Variants in ZFPM2 observed in about 807,000 individuals in gnomAD.
ZFPM2 encodes the protein zinc finger protein ZFPM2.
A neutral mutation model predicts 98.6 loss-of-function variants in ZFPM2; 20 were observed. The ratio of observed to expected loss-of-function variants is 0.20; its 90% CI spans 0.14 to 0.29. The LOEUF is 0.29. ZFPM2 is among the 10% of genes least tolerant of loss of function. The pLI, the probability that ZFPM2 is intolerant of heterozygous loss-of-function variation, is 1.00. For synonymous variants in ZFPM2, 518 were observed against 502.7 expected (o/e 1.03, Z -0.41); for missense variants, 1,310 against 1,388.6 (o/e 0.94, Z 0.90).
intron 3 of ZFPM2, among the ~76,000 whole-genome samples, chr8:105,458,209 G>T (rs1344091243): frequency 6.6e-6 from 1 of 152,160 alleles, no homozygotes; most frequent in South Asian, 2.1e-4. Context: ...AGATTGCAAA[G>T]TGTTGCATGT....
At chr8:105,441,521 C>T (rs535964316) in intron 2 of ZFPM2, among the ~76,000 whole-genome samples, 7 of 123,810 alleles carry the variant, frequency 5.7e-5, no homozygotes, top group South Asian at 2.6e-4. Flanking sequence ...AGGGGCGCCC[C>T]GGTGTTGGAG....
chr8:105,733,627 A>G (rs1363187007), intron 5 of ZFPM2, among the ~76,000 whole-genome samples: 1 of 151,886 alleles, frequency 6.6e-6, no homozygotes, highest in African/African-American at 2.4e-5. Context: ...AATGATGCTT[A>G]TGTTTTAGTA....
At chr8:105,495,707 C>T (rs1259714721) in intron 3 of ZFPM2, among the ~76,000 whole-genome samples, 10 of 152,064 alleles carry the variant, frequency 6.6e-5, no homozygotes, top group Admixed American at 6.5e-5. Context: ...TGTCAGTTAA[C>T]ATTTCATCGT....
chr8:105,322,313 ATGTGT>A (rs980921868), intron 1 of ZFPM2, among the ~76,000 whole-genome samples: 1 of 152,068 alleles, frequency 6.6e-6, no homozygotes, highest in Admixed American at 6.5e-5. Context: ...TGATTAGTAA[ATGTGT>A]TGTGTGTGCA....
At chr8:105,399,687 T>TA (rs1475437397) in intron 1 of ZFPM2, among the ~76,000 whole-genome samples, 1 of 147,648 alleles carries the variant, frequency 6.8e-6, no homozygotes, top group Admixed American at 6.8e-5. Context: ...ATTTGCCGAA[T>TA]ACATTTCCCC....
At chr8:105,431,222 A>G (rs2130140974) in intron 2 of ZFPM2, among the ~76,000 whole-genome samples, 1 of 152,092 alleles carries the variant, frequency 6.6e-6, no homozygotes, top group South Asian at 2.1e-4. Context: ...ACTTATTTTT[A>G]TGATGTGGTC....
chr8:105,363,627 T>C (rs1322999255), intron 1 of ZFPM2, among the ~76,000 whole-genome samples: 2 of 152,130 alleles, frequency 1.3e-5, no homozygotes, highest in African/African-American at 4.8e-5. Flanking sequence ...ACCATAGTAT[T>C]GCTATTATGG....
intron 2 of ZFPM2, among the ~76,000 whole-genome samples, chr8:105,431,066 G>A (rs1271323191): frequency 6.6e-6 from 1 of 151,860 alleles, no homozygotes; most frequent in Non-Finnish European, 1.5e-5. Flanking sequence ...ACCATGCCTG[G>A]ATAATTTTTT....
At chr8:105,555,040 A>G (rs1241436206) in intron 3 of ZFPM2, among the ~76,000 whole-genome samples, 2 of 151,948 alleles carry the variant, frequency 1.3e-5, no homozygotes. Context: ...TTGATATTTT[A>G]AAAAGCTGTG....
At chr8:105,475,280 T>G (rs1812989117) in intron 3 of ZFPM2, among the ~76,000 whole-genome samples, 1 of 152,312 alleles carries the variant, frequency 6.6e-6, no homozygotes, top group East Asian at 1.9e-4. Context: ...CCTAACCTCT[T>G]GTAAAGATCC....
intron 5 of ZFPM2, among the ~76,000 whole-genome samples, chr8:105,742,958 G>T (rs1478128779): frequency 1.3e-5 from 2 of 152,060 alleles, no homozygotes; most frequent in Non-Finnish European, 2.9e-5. Context: ...GGAGCAAATT[G>T]GGAGAGAATA....
At chr8:105,654,311 T>G (rs1427919037) in intron 5 of ZFPM2, among the ~76,000 whole-genome samples, 1 of 152,126 alleles carries the variant, frequency 6.6e-6, no homozygotes, top group Non-Finnish European at 1.5e-5. Context: ...CTCTCTGTCC[T>G]GTCAAAAGGC....
At chr8:105,440,602 C>T (rs974642222) in intron 2 of ZFPM2, among the ~76,000 whole-genome samples, 15 of 152,172 alleles carry the variant, frequency 9.9e-5, no homozygotes, top group African/African-American at 2.9e-4. Context: ...ACTAGGGAAA[C>T]GAACCAGGGA....
At chr8:105,441,482 G>GAAAAAAAGAAAGAAAGAAAGAAAA (rs71305153) in intron 2 of ZFPM2, among the ~76,000 whole-genome samples, 1 of 85,404 alleles carries the variant, frequency 1.2e-5, no homozygotes, top group Non-Finnish European at 2.0e-5. Context: ...AAGAAAGAAA[G>GAAAAAAAGAAAGAAAGAAAGAAAA]AAAGAAAGAA....
intron 2 of ZFPM2, 131 bp downstream of exon 2, chr8:105,419,433 T>TTTTTTTTTTTTTTTGAG: frequency 8.8e-7 from 1 of 1,140,024 alleles, no homozygotes; most frequent in Non-Finnish European, 1.2e-6. Flanking sequence ...CAGATTTTTT[T>TTTTTTTTTTTTTTTGAG]AAACATAAAA....
At chr8:105,751,636 C>T (rs1246394842) in intron 5 of ZFPM2, among the ~76,000 whole-genome samples, 2 of 152,004 alleles carry the variant, frequency 1.3e-5, no homozygotes, top group Non-Finnish European at 2.9e-5. Context: ...ATTGAGATAA[C>T]ATTTTAAAAA....
chr8:105,554,604 T>G (rs1430448821), intron 3 of ZFPM2, among the ~76,000 whole-genome samples: 1 of 152,196 alleles, frequency 6.6e-6, no homozygotes. Context: ...CTAATTCATG[T>G]GGTCTGCTTT....
In ZFPM2 at chr8:105,393,356, T is replaced by G. The variant is rs938449023; in HGVS notation, c.41-25788T>G. On this transcript the variant is annotated intron_variant, in intron 1 of 7. Transcript: ENST00000407775. ...TCTTTGCCTTTCTTTCTTTCTTTCT[T>G]TCTTTCTTTCTTTCTTTCTTTCTTT... Among the ~76,000 whole-genome samples the G allele has an allele frequency of 4.3e-3, 397 of 91,480 alleles. 10 individuals are homozygous for G. Among genetic ancestry groups the G allele is most frequent in the African/African-American group, 0.016 (372 of 22,716 alleles). The allele number at this position is 91,480 out of a possible 152,430, so 60.0% of individuals were successfully genotyped here.
intron 1 of ZFPM2, among the ~76,000 whole-genome samples, chr8:105,339,714 T>C (rs1347514349): frequency 1.3e-5 from 2 of 151,820 alleles, no homozygotes; most frequent in African/African-American, 4.8e-5. Flanking sequence ...AAATCTAGAG[T>C]TTGACAAACC....
Sources: gnomAD v4.1 joint callset for allele counts (sites outside exome capture counted in the v4.1 genomes callset) on GRCh38, gnomAD v4.1.1 for gene constraint, MANE v1.5 for transcripts, NCBI Gene and HGNC (gene_info 2026-07-23, HGNC 2026-07-21) for gene names.